Variants in USP34 observed in about 807,000 individuals in gnomAD.
USP34 encodes ubiquitin carboxyl-terminal hydrolase 34.
USP34 carries 70 observed loss-of-function variants against 460.3 expected under a neutral mutation model. The ratio of observed to expected loss-of-function variants is 0.15; its 90% CI spans 0.13 to 0.19. The LOEUF (loss-of-function observed/expected upper bound fraction) is 0.19, where lower values mean the gene tolerates loss of function less well. USP34 is among the 10% of genes least tolerant of loss of function. USP34 has a pLI of 1.00. For synonymous variants in USP34, 1,647 were observed against 1,405.3 expected (o/e 1.17, Z -3.85); for missense variants, 3,985 against 4,236.2 (o/e 0.94, Z 1.65).
At chr2:61,255,516 T>G (rs779280732) in intron 48 of USP34, among the ~76,000 whole-genome samples, 2 of 152,220 alleles carry the variant, frequency 1.3e-5, no homozygotes, top group Non-Finnish European at 2.9e-5. Flanking sequence ...ACTCCATGTC[T>G]TCACATGTAA....
intron 1 of USP34, among the ~76,000 whole-genome samples, chr2:61,447,986 G>C (rs1002383883): frequency 2.6e-5 from 4 of 152,198 alleles, no homozygotes; most frequent in Non-Finnish European, 4.4e-5. Flanking sequence ...AAAATACTGG[G>C]ATTACAGGCA....
chr2:61,232,676 G>A lies in USP34; in HGVS notation c.7033-144C>T, dbSNP rs1687941671. On this transcript the variant is annotated intron_variant, in intron 57 of 79. Transcript: ENST00000398571. ...AAAAGTTTCTCTAATTGTCATAAAAGTCAAACTCTAAAATCATAATAAGGG... is the reference window on the plus strand; with the variant it reads ...AAAAGTTTCTCTAATTGTCATAAAAATCAAACTCTAAAATCATAATAAGGG... 5 of 686,054 alleles carry A rather than the reference G, an allele frequency of 7.3e-6. No individual in the cohort carries two copies. In the East Asian group the frequency reaches 1.1e-4, roughly 15 times the overall value. 42.5% of individuals were successfully genotyped at this position (686,054 alleles called of 1,614,324 possible). A position where few individuals can be genotyped will look rare whatever the true frequency, so the allele number is the denominator to read the frequency against.
intron 1 of USP34, among the ~76,000 whole-genome samples, chr2:61,449,232 G>C (rs987013497): frequency 1.4e-5 from 2 of 143,662 alleles, no homozygotes; most frequent in Admixed American, 1.4e-4. Context: ...ACTGCAGCCT[G>C]GATGACAGTG....
In USP34 at chr2:61,190,373, C is replaced by T. The variant is rs779331075; in HGVS notation, c.9771G>A (p.Leu3257=). 1 of 1,611,758 alleles carries T rather than the reference C, an allele frequency of 6.2e-7. No individual in the cohort carries two copies. The highest frequency in any genetic ancestry group is 8.5e-7 in the Non-Finnish European group (1 of 1,179,424). ...TCAAGTTTGTAATAAGAGTGCTGAT[C>T]AAATTGGCACAGTTTGCTTCAGAAA... ...QVFSEANCAN[L]ISTLITNLIS... Residue 3257 remains leucine (L), a synonymous_variant, in exon 78 of 80, where the codon TTG becomes TTA. Transcript: ENST00000398571.
chr2:61,227,156 G>C lies in USP34; in HGVS notation c.7506C>G (p.Leu2502=), dbSNP rs1365543444. The C allele has an allele frequency of 6.2e-7, 1 of 1,613,872 alleles. No individual in the cohort carries two copies. Residue 2502 remains leucine (L), a synonymous_variant, in exon 62 of 80, where the codon CTC becomes CTG. Transcript: ENST00000398571. The part of the protein sequence containing the change: ...GEEEEEEEDI[L]SLAEEKYRPA... The stretch of plus-strand genomic sequence containing the variant: ...GCCTGTATTTTTCTTCTGCCAGAGA[G>C]AGGATATCTTCTTCCTCCTCTTCTT...
intron 19 of USP34, among the ~76,000 whole-genome samples, chr2:61,332,232 A>G (rs1691291920): frequency 6.6e-6 from 1 of 152,088 alleles, no homozygotes; most frequent in Non-Finnish European, 1.5e-5. Context: ...ATGGGCCATT[A>G]GAACGAGTTT....
At position 61,314,771 on chromosome 2, in the gene USP34, T is replaced by C. The variant is rs200010735; in HGVS notation, c.3383-27A>G. Reference sequence around the variant, plus strand: ...TGAAAGCCAAATGTTTAGACACATATATTAGCCTTATATTCTTGTTTAGCT... The same window carrying C: ...TGAAAGCCAAATGTTTAGACACATACATTAGCCTTATATTCTTGTTTAGCT... On this transcript the variant is annotated intron_variant, in intron 24 of 79. Coordinates refer to ENST00000398571, the MANE Select transcript of USP34 (RefSeq NM_014709.4). The C allele has an allele frequency of 8.4e-5, 133 of 1,578,320 alleles. No homozygotes were observed. In the African/African-American group the frequency reaches 1.4e-3, roughly 17 times the overall value.
Position 61,228,916 on chromosome 2 carries a change from T to C in USP34, c.7279A>G (p.Ile2427Val), listed in dbSNP as rs1228318105. 6.2e-7 allele frequency: 1 copy of C among 1,610,582 alleles called. No homozygotes were observed. Residue 2427 changes from isoleucine to valine, a missense_variant, in exon 60 of 80, where the codon ATT (isoleucine) becomes GTT (valine). By Grantham distance (29) the Ile-to-Val change is conservative (BLOSUM62 3). Transcript: ENST00000398571. ...VTRFVRTLLL[I>V]MEHGVKPHSK... Reference sequence around the variant, plus strand: ...TGAGGTTTTACACCATGTTCCATAATTAATAACAGGGTTCTCACAAAGCGA... The same window carrying C: ...TGAGGTTTTACACCATGTTCCATAACTAATAACAGGGTTCTCACAAAGCGA...
intron 71 of USP34, among the ~76,000 whole-genome samples, chr2:61,206,353 A>G (rs990043318): frequency 2.0e-5 from 3 of 152,254 alleles, no homozygotes; most frequent in African/African-American, 7.2e-5. Flanking sequence ...CTAGGAATGT[A>G]TATGAAGAAG....
intron 71 of USP34, 111 bp downstream of exon 71, chr2:61,206,649 T>C: frequency 7.5e-7 from 1 of 1,339,232 alleles, no homozygotes; most frequent in Non-Finnish European, 1.0e-6. Context: ...CAGCCTCATC[T>C]TCTGTGCATA....
intron 10 of USP34, among the ~76,000 whole-genome samples, chr2:61,357,231 C>T (rs1483986168): frequency 6.6e-6 from 1 of 152,064 alleles, no homozygotes. Context: ...GATAATCATA[C>T]TAAAATGTTT....
chr2:61,263,539 T>C (rs935302317), intron 43 of USP34, among the ~76,000 whole-genome samples: 30 of 151,618 alleles, frequency 2.0e-4, no homozygotes, highest in African/African-American at 7.3e-4. Context: ...TGCAGTGCAT[T>C]GGCGCCATCT....
At chr2:61,282,615 C>G (rs1558508344) in intron 37 of USP34, among the ~76,000 whole-genome samples, 1 of 151,932 alleles carries the variant, frequency 6.6e-6, no homozygotes, top group Non-Finnish European at 1.5e-5. Context: ...ACAGCGAGAC[C>G]CCGTCTCTAC....
At position 61,339,380 on chromosome 2, in the gene USP34, T is replaced by C; in HGVS notation, c.2715A>G (p.Glu905=). 1 of 1,609,374 alleles carries C rather than the reference T, an allele frequency of 6.2e-7. No homozygotes were observed. Among genetic ancestry groups the C allele is most frequent in the Non-Finnish European group, 8.5e-7 (1 of 1,178,318 alleles). The part of the protein sequence containing the change: ...TDRQIRMRFI[E]GCLENLGNNR... ...TGTTTCCCAAGTTTTCAAGGCAACC[T>C]TCAATGAATCTCATTCGAATTTGTC... Residue 905 remains glutamate, a synonymous_variant, in exon 18 of 80, where the codon GAA becomes GAG. Coordinates refer to ENST00000398571, the MANE Select transcript of USP34 (RefSeq NM_014709.4).
intron 5 of USP34, among the ~76,000 whole-genome samples, chr2:61,387,268 G>C (rs1463656431): frequency 6.6e-6 from 1 of 151,936 alleles, no homozygotes; most frequent in East Asian, 1.9e-4. Flanking sequence ...TCGAGACCAA[G>C]CTGGCCAAAC....
intron 27 of USP34, among the ~76,000 whole-genome samples, chr2:61,303,913 T>C (rs1302033402): frequency 1.3e-5 from 2 of 151,722 alleles, no homozygotes; most frequent in Non-Finnish European, 2.9e-5. Context: ...TGTTTTGTTT[T>C]GTTTTGAGGA....
At position 61,395,160 on chromosome 2, in the gene USP34, G is replaced by T. The variant is rs186312153; in HGVS notation, c.603+23C>A. The T allele has an allele frequency of 5.5e-4, 814 of 1,481,668 alleles. 4 individuals carry two copies. The African/African-American group carries it at 6.6e-3, about 12-fold the overall frequency. 91.8% of individuals were successfully genotyped at this position (1,481,668 alleles called of 1,614,324 possible). A position where few individuals can be genotyped will look rare whatever the true frequency, so the allele number is the denominator to read the frequency against. ...TAAAAAAATAAAATTTTCCATAAAA[G>T]AATAAAAAAGGTAAACACTTACATT... On this transcript the variant is annotated intron_variant, in intron 4 of 79. Coordinates refer to ENST00000398571, the MANE Select transcript of USP34 (RefSeq NM_014709.4).
At chr2:61,399,917 G>A (rs1404267034) in intron 3 of USP34, among the ~76,000 whole-genome samples, 6 of 129,864 alleles carry the variant, frequency 4.6e-5, no homozygotes, top group African/African-American at 1.4e-4. Flanking sequence ...TTTTTCAAAA[G>A]TTCTTATTTT....
intron 57 of USP34, 51 bp downstream of exon 57, chr2:61,235,794 A>C (rs776734452): frequency 1.2e-5 from 14 of 1,200,318 alleles, no homozygotes; most frequent in Non-Finnish European, 1.6e-5. Context: ...AGAGGGGGGG[A>C]AAAAAAAAAG....
Sources: allele counts gnomAD v4.1 joint callset (sites outside exome capture counted in the v4.1 genomes callset), GRCh38; gene constraint gnomAD v4.1.1; transcripts MANE v1.5; gene names NCBI Gene and HGNC (gene_info 2026-07-23, HGNC 2026-07-21).